The following PPP1R9A variants were observed in gnomAD, a reference collection of about 807,000 sequenced individuals.
PPP1R9A encodes neurabin-1.
In PPP1R9A, 59 loss-of-function variants were observed where a neutral mutation model predicts 141.9. That is an observed-to-expected ratio of 0.42 (90% confidence interval 0.34 to 0.52). The LOEUF (loss-of-function observed/expected upper bound fraction) is 0.52, where lower values mean the gene tolerates loss of function less well. Among genes scored for constraint, PPP1R9A ranks in the 20% least tolerant of loss-of-function variants. The probability of loss-of-function intolerance (pLI) is 0.10; values close to 1 mark genes in which losing one functional copy is unlikely to be tolerated. For missense variants in PPP1R9A, 1,444 were observed against 1,611.9 expected, an observed-to-expected ratio of 0.90 and a Z score of 1.78; for synonymous variants, 500 against 569.7, an observed-to-expected ratio of 0.88 and a Z score of 1.74.
At chr7:94,921,451 A>C (rs1240002896) in intron 2 of PPP1R9A, among the ~76,000 whole-genome samples, 1 of 151,850 alleles carries the variant, frequency 6.6e-6, no homozygotes. Context: ...CGGCTCAAAA[A>C]AAAAAAAAAA....
At chr7:95,093,386 A>T (rs1013030782) in intron 2 of PPP1R9A, among the ~76,000 whole-genome samples, 1 of 152,204 alleles carries the variant, frequency 6.6e-6, no homozygotes, top group Non-Finnish European at 1.5e-5. Context: ...AAATACTTGT[A>T]AGCATTTTAA....
chr7:94,954,834 CGTGT>C (rs66968535), intron 2 of PPP1R9A, among the ~76,000 whole-genome samples: 2,856 of 146,402 alleles, frequency 0.02, 68 homozygotes, highest in African/African-American at 0.051. Context: ...TGTAAATATG[CGTGT>C]GTGTGTGTGT....
intron 2 of PPP1R9A, among the ~76,000 whole-genome samples, chr7:95,010,572 C>A (rs1804274095): frequency 6.6e-6 from 1 of 152,220 alleles, no homozygotes; most frequent in Admixed American, 6.5e-5. Flanking sequence ...ATTCTACTCA[C>A]AATGAATTTA....
At chr7:95,007,870 G>C (rs1272695149) in intron 2 of PPP1R9A, among the ~76,000 whole-genome samples, 1 of 152,068 alleles carries the variant, frequency 6.6e-6, no homozygotes, top group Non-Finnish European at 1.5e-5. Flanking sequence ...TCAGGAGCTC[G>C]AGACCAACCT....
At chr7:95,238,460 G>T (rs1353298746) in intron 8 of PPP1R9A, among the ~76,000 whole-genome samples, 1 of 152,088 alleles carries the variant, frequency 6.6e-6, no homozygotes, top group Non-Finnish European at 1.5e-5. Flanking sequence ...AGATTAAATT[G>T]CTGGCCCCCA....
chr7:94,914,959 C>T (rs969995721), intron 2 of PPP1R9A, among the ~76,000 whole-genome samples: 4 of 152,192 alleles, frequency 2.6e-5, no homozygotes, highest in African/African-American at 9.6e-5. Context: ...TTAAGGAAGT[C>T]ACAACCTTTC....
intron 4 of PPP1R9A, among the ~76,000 whole-genome samples, chr7:95,151,749 A>G (rs1688597018): frequency 1.3e-5 from 2 of 151,628 alleles, no homozygotes; most frequent in South Asian, 4.2e-4. Flanking sequence ...GGATCTATAG[A>G]GAAGCTCTCC....
At chr7:95,237,179 A>T (rs934666908) in intron 8 of PPP1R9A, among the ~76,000 whole-genome samples, 117 of 125,622 alleles carry the variant, frequency 9.3e-4, no homozygotes, top group Middle Eastern at 4.5e-3. Context: ...ATATATATAT[A>T]TTTTTTTTTT....
intron 16 of PPP1R9A, among the ~76,000 whole-genome samples, chr7:95,280,001 C>T (rs1013807764): frequency 9.9e-5 from 15 of 152,122 alleles, no homozygotes; most frequent in Admixed American, 9.8e-4. Flanking sequence ...CAGTGACCAT[C>T]TCAGATGAAC....
chr7:95,099,393 G>T (rs6972772), intron 2 of PPP1R9A, among the ~76,000 whole-genome samples: 1 of 151,912 alleles, frequency 6.6e-6, no homozygotes, highest in Non-Finnish European at 1.5e-5. Context: ...CAAAACATAC[G>T]TCTCCAGTTT....
chr7:95,081,616 C>T (rs1478667676), intron 2 of PPP1R9A, among the ~76,000 whole-genome samples: 1 of 152,128 alleles, frequency 6.6e-6, no homozygotes, highest in African/African-American at 2.4e-5. Flanking sequence ...GGGAGGAACT[C>T]CCTGAAAGGT....
intron 2 of PPP1R9A, among the ~76,000 whole-genome samples, chr7:94,936,305 A>G (rs1357231521): frequency 1.3e-5 from 2 of 152,190 alleles, no homozygotes; most frequent in African/African-American, 4.8e-5. Context: ...TCCTAAAATC[A>G]GTCTTCTTTA....
chr7:95,127,555 CT>C (rs1363367206), intron 4 of PPP1R9A, among the ~76,000 whole-genome samples: 1 of 148,940 alleles, frequency 6.7e-6, no homozygotes, highest in African/African-American at 2.5e-5. Context: ...TATATGTGCA[CT>C]TTTGTTAACT....
chr7:95,019,243 A>G (rs1199429205), intron 2 of PPP1R9A, among the ~76,000 whole-genome samples: 1 of 152,140 alleles, frequency 6.6e-6, no homozygotes, highest in Non-Finnish European at 1.5e-5. Flanking sequence ...GAAAGTACAA[A>G]AATTAGTTGG....
chr7:95,196,399 C>T (rs12704780), intron 5 of PPP1R9A, among the ~76,000 whole-genome samples: 60,432 of 151,866 alleles, frequency 0.4, 12,626 homozygotes, highest in South Asian at 0.51. Context: ...ACTATTACTT[C>T]GAAAAACAAT....
At chr7:95,174,568 A>G (rs138678408) in intron 5 of PPP1R9A, among the ~76,000 whole-genome samples, 3 of 152,098 alleles carry the variant, frequency 2.0e-5, no homozygotes, top group Non-Finnish European at 4.4e-5. Context: ...GCTATCGTTA[A>G]CTTAAAAAGC....
chr7:95,076,642 C>A (rs753067893), intron 2 of PPP1R9A, among the ~76,000 whole-genome samples: 1 of 151,972 alleles, frequency 6.6e-6, no homozygotes, highest in African/African-American at 2.4e-5. Flanking sequence ...TTTTTCCAGG[C>A]AAACTTAAAC....
chr7:95,008,980 G>C (rs1173096422), intron 2 of PPP1R9A, among the ~76,000 whole-genome samples: 1 of 152,160 alleles, frequency 6.6e-6, no homozygotes, highest in Non-Finnish European at 1.5e-5. Flanking sequence ...CGTAAAAAAG[G>C]TTGAGTTCAT....
At chr7:94,944,830 A>T (rs928970659) in intron 2 of PPP1R9A, among the ~76,000 whole-genome samples, 4 of 152,068 alleles carry the variant, frequency 2.6e-5, no homozygotes, top group Admixed American at 1.3e-4. Context: ...TTTCAGATGT[A>T]TATGGAAAGT....
Sources: gnomAD v4.1 joint callset for allele counts (sites outside exome capture counted in the v4.1 genomes callset) on GRCh38, gnomAD v4.1.1 for gene constraint, MANE v1.5 for transcripts, NCBI Gene and HGNC (gene_info 2026-07-23, HGNC 2026-07-21) for gene names.